Variants in RRP9 observed in about 807,000 individuals in gnomAD.
RRP9 encodes the protein U3 small nucleolar RNA-interacting protein 2.
Under a neutral mutation model 65.5 loss-of-function variants are expected in RRP9, and 35 were observed. The ratio of observed to expected loss-of-function variants is 0.53; its 90% confidence interval spans 0.41 to 0.71. RRP9 has a LOEUF of 0.71. Among genes scored for constraint, RRP9 ranks in the 30% least tolerant of loss-of-function variants. RRP9 has a pLI of 0.00. For synonymous variants in RRP9, 254 were observed against 245.0 expected (o/e 1.04, Z -0.34); for missense variants, 533 against 633.6 (o/e 0.84, Z 1.70).
chr3:51,937,585 A>C lies in RRP9; in HGVS notation c.350T>G (p.Leu117Arg), dbSNP rs1699473611. The C allele has an allele frequency of 1.9e-6, 3 of 1,614,204 alleles. No homozygotes were observed. Among genetic ancestry groups the C allele is most frequent in the Non-Finnish European group, 2.5e-6 (3 of 1,180,034 alleles). The change falls in exon 5 of 15, where the codon CTT (leucine) becomes CGT (arginine). Residue 117 changes from leucine to arginine, a missense_variant and splice_region_variant. Physicochemically the swap from Leu to Arg is moderately radical, Grantham distance 102. Around this residue, in one of 3 missense-constraint regions of RRP9, gnomAD observed 449 missense variants for 550.6 expected, o/e 0.82. Coordinates refer to ENST00000232888, the MANE Select transcript of RRP9 (RefSeq NM_004704.5). The surrounding 1 kb of genome is among the most constrained non-coding windows in gnomAD (Gnocchi z 5.0). ...CTTCTGCAGCCTGCCCCTCTGCTCA[A>C]GCTGCATGGAGAAGAGATGGATGAG... The part of the protein sequence containing the change: ...QVAGRLKEDV[L>R]EQRGRLQKLV...
intron 2 of RRP9, among the ~76,000 whole-genome samples, chr3:51,938,858 G>A (rs1332394136): frequency 3.9e-5 from 6 of 152,158 alleles, no homozygotes; most frequent in Non-Finnish European, 8.8e-5. Context: ...CCACCAGGCA[G>A]ACACACCAGG....
chr3:51,941,418 TCA>T lies in RRP9; in HGVS notation c.159_160del (p.Ser55ArgfsTer9). 1.2e-6 allele frequency: 2 copies of T among 1,614,104 alleles called. No homozygotes were observed. The highest frequency in any genetic ancestry group is 2.2e-5 in the East Asian group (1 of 44,886). On this transcript the variant is annotated frameshift_variant, in exon 2 of 15. Coordinates refer to ENST00000232888, the MANE Select transcript of RRP9 (RefSeq NM_004704.5). LOFTEE classifies it high-confidence loss of function. Reference sequence around the variant, plus strand: ...GAAAAGAATAGCTCACCTCTCGCTCTCAGAGTCGCTGGAGATCTCCTCATTCA... The same window carrying T: ...GAAAAGAATAGCTCACCTCTCGCTCTGAGTCGCTGGAGATCTCCTCATTCA...
chr3:51,937,398 C>T lies in RRP9; in HGVS notation c.391-80G>A. 3 of 1,605,674 alleles carry T rather than the reference C, an allele frequency of 1.9e-6. No individual in the cohort carries two copies. Among genetic ancestry groups the T allele is most frequent in the Admixed American group, 1.7e-5 (1 of 59,876 alleles). ...ACCAACCCCACTGCGTAGTGTTGGC[C>T]TTTCCCACCCAGGCCAGAAGGAAAA... is the stretch of plus-strand genomic sequence containing the variant. On this transcript the variant is annotated intron_variant, in intron 5 of 14. Coordinates refer to ENST00000232888, the MANE Select transcript of RRP9 (RefSeq NM_004704.5). The surrounding 1 kb of genome is among the most constrained non-coding windows in gnomAD (Gnocchi z 5.0).
intron 6 of RRP9, among the ~76,000 whole-genome samples, 159 bp from the exon 7 acceptor site, chr3:51,936,714 C>T (rs1245771956): frequency 1.3e-5 from 2 of 152,188 alleles, no homozygotes; most frequent in African/African-American, 4.8e-5. Flanking sequence ...CAAGCTGCCT[C>T]AGTTTCCTCA....
Position 51,937,508 on chromosome 3 carries a change from C to T in RRP9, c.390+37G>A, listed in dbSNP as rs1332821455. ...CATGTTCCAAGTGGGGCCCCCAATTCCCTCCAACCTTATACCAAAATACCA... is the reference window on the plus strand; with the variant it reads ...CATGTTCCAAGTGGGGCCCCCAATTTCCTCCAACCTTATACCAAAATACCA... On this transcript the variant is annotated intron_variant, in intron 5 of 14. Coordinates refer to ENST00000232888, the MANE Select transcript of RRP9 (RefSeq NM_004704.5). The surrounding 1 kb of genome is among the most constrained non-coding windows in gnomAD (Gnocchi z 5.0). The T allele has an allele frequency of 6.2e-7, 1 of 1,614,060 alleles. No individual in the cohort carries two copies. Among genetic ancestry groups the T allele is most frequent in the South Asian group, 1.1e-5 (1 of 91,080 alleles).
At chr3:51,941,373 G>A (rs1180210660) in intron 2 of RRP9, 36 bp downstream of exon 2, 47 of 1,575,588 alleles carry the variant, frequency 3.0e-5, no homozygotes, top group Non-Finnish European at 3.9e-5. Context: ...ATGGGACTCA[G>A]TTTTCCCTCC....
At position 51,934,377 on chromosome 3, in the gene RRP9, T is replaced by G; in HGVS notation, c.1260+95A>C. 7.7e-7 allele frequency: 1 copy of G among 1,306,912 alleles called. No individual in the cohort carries two copies. Among genetic ancestry groups the G allele is most frequent in the Non-Finnish European group, 1.1e-6 (1 of 945,136 alleles). 81.0% of individuals were successfully genotyped at this position (1,306,912 alleles called of 1,614,324 possible). ...GGAGCTGGCCCTGCCCTGAGAAGGT[T>G]CCCTTCTGGCAGGAAGAAAGACCTT... On this transcript the variant is annotated intron_variant, in intron 13 of 14. Coordinates refer to ENST00000232888, the MANE Select transcript of RRP9 (RefSeq NM_004704.5). This position sits in a 1 kb window ranked among gnomAD's most constrained non-coding sequence, Gnocchi z 4.1.
chr3:51,941,869 C>G lies in RRP9; in HGVS notation c.-2G>C. ...ACGAGCAGCCGCTGTTGCCGACATG[C>G]TGCCCACCAGGCGTGTAGCAGCGGC... On this transcript the variant is annotated 5_prime_UTR_variant, in exon 1 of 15. Coordinates refer to ENST00000232888, the MANE Select transcript of RRP9 (RefSeq NM_004704.5). 1.3e-6 allele frequency: 2 copies of G among 1,578,686 alleles called. No homozygotes were observed. The highest frequency in any genetic ancestry group is 1.1e-5 in the South Asian group (1 of 87,622).
chr3:51,937,289 G>A lies in RRP9; in HGVS notation c.420C>T (p.Arg140=), dbSNP rs202129562. ...EIQAPASADI[R]VLRGHQLSIT... ...TAGAGAGCTGGTGCCCCCGTAAAAC[G>A]CGAATGTCAGCTGAGGCTGGGGCCT... The change falls in exon 6 of 15, where the codon CGC becomes CGT. Residue 140 remains arginine (R), a synonymous_variant. Transcript: ENST00000232888. The surrounding 1 kb of genome is among the most constrained non-coding windows in gnomAD (Gnocchi z 5.0). The A allele has an allele frequency of 6.4e-5, 104 of 1,614,188 alleles. No homozygotes were observed. In the East Asian group the frequency reaches 1.4e-3, roughly 22 times the overall value.
At position 51,934,384 on chromosome 3, in the gene RRP9, T is replaced by C; in HGVS notation, c.1260+88A>G. ...GCCCTGCCCTGAGAAGGTTCCCTTC[T>C]GGCAGGAAGAAAGACCTTAAAGAGC... On this transcript the variant is annotated intron_variant, in intron 13 of 14. Transcript: ENST00000232888. This position sits in a 1 kb window ranked among gnomAD's most constrained non-coding sequence, Gnocchi z 4.1. 9 of 1,383,942 alleles carry C rather than the reference T, an allele frequency of 6.5e-6. No individual in the cohort carries two copies. Among genetic ancestry groups the C allele is most frequent in the Non-Finnish European group, 8.9e-6 (9 of 1,011,508 alleles). The allele number at this position is 1,383,942 out of a possible 1,614,324, so 85.7% of individuals were successfully genotyped here.
chr3:51,938,000 GTC>G lies in RRP9; in HGVS notation c.280+93_280+94del. On this transcript the variant is annotated intron_variant, in intron 3 of 14. Transcript: ENST00000232888. The surrounding 1 kb of genome is among the most constrained non-coding windows in gnomAD (Gnocchi z 5.0). ...GCCTGGGCACCCACTGGGAATCCAT[GTC>G]AGTCACCCATCAAGTGGCTGGGGCT... 8.9e-7 allele frequency: 1 copy of G among 1,122,826 alleles called. No individual in the cohort carries two copies. Among genetic ancestry groups the G allele is most frequent in the African/African-American group, 1.6e-5 (1 of 64,444 alleles). The allele number at this position is 1,122,826 out of a possible 1,614,324, so 69.6% of individuals were successfully genotyped here.
At chr3:51,938,301 C>A (rs922464863) in intron 2 of RRP9, 97 bp from the exon 3 acceptor site, 28 of 856,048 alleles carry the variant, frequency 3.3e-5, no homozygotes, top group Non-Finnish European at 5.1e-5. Flanking sequence ...TCCAACCTCC[C>A]CTATTCCCTG....
At position 51,935,395 on chromosome 3, in the gene RRP9, A is replaced by G. The variant is rs759862714; in HGVS notation, c.918T>C (p.Thr306=). Residue 306 remains threonine (T), a synonymous_variant, in exon 10 of 15, where the codon ACT becomes ACC. Transcript: ENST00000232888. ...CCTCGGGGATCTTCCACACACGTACAGTCCCATCCCGGCCCCCAGCCGTCA... is the reference window on the plus strand; with the variant it reads ...CCTCGGGGATCTTCCACACACGTACGGTCCCATCCCGGCCCCCAGCCGTCA... ...CCVTAGGRDG[T]VRVWKIPEES... 6.2e-7 allele frequency: 1 copy of G among 1,614,168 alleles called. No individual in the cohort carries two copies. The highest frequency in any genetic ancestry group is 2.2e-5 in the East Asian group (1 of 44,880).
At position 51,936,486 on chromosome 3, in the gene RRP9, G is replaced by A. The variant is rs1297582768; in HGVS notation, c.587C>T (p.Pro196Leu). 2 of 1,614,212 alleles carry A rather than the reference G, an allele frequency of 1.2e-6. No individual in the cohort carries two copies. The highest frequency in any genetic ancestry group is 3.3e-5 in the Admixed American group (2 of 60,034). Residue 196 changes from proline to leucine, a missense_variant, in exon 7 of 15, where the codon CCT becomes CTT. Around this residue, in one of 3 missense-constraint regions of RRP9, gnomAD observed 449 missense variants for 550.6 expected, o/e 0.82. Transcript: ENST00000232888. The part of the protein sequence containing the change: ...RAKKGAEGKP[P>L]GHSSHVLCMA... The stretch of plus-strand genomic sequence containing the variant: ...GCAGAGGACGTGGCTGCTGTGGCCA[G>A]GGGGCTTTCCCTCGGCACCCTTCTT...
In RRP9 at chr3:51,937,795, C is replaced by T. The variant is rs900806504; in HGVS notation, c.281-59G>A. ...GCTGAGACCCCTCTTTCCCTTCCAT[C>T]CTGTCCCCATCCCACTGCCCCAGGG... On this transcript the variant is annotated intron_variant, in intron 3 of 14. Transcript: ENST00000232888. The surrounding 1 kb of genome is among the most constrained non-coding windows in gnomAD (Gnocchi z 5.0). 20 of 1,592,286 alleles carry T rather than the reference C, an allele frequency of 1.3e-5. No individual in the cohort carries two copies. The African/African-American group carries it at 1.5e-4, about 12-fold the overall frequency.
At position 51,941,848 on chromosome 3, in the gene RRP9, G is replaced by C. The variant is rs1229637817; in HGVS notation, c.20C>G (p.Ala7Gly). 6.3e-7 allele frequency: 1 copy of C among 1,582,846 alleles called. No homozygotes were observed. The highest frequency in any genetic ancestry group is 1.1e-5 in the South Asian group (1 of 88,226). ...AGAGGCCGGCTTTCCCCGCTTACGA[G>C]CAGCCGCTGTTGCCGACATGCTGCC... MSATAA[A>G]RKRGKPASGA... The change falls in exon 1 of 15, where the codon GCT becomes GGT. Residue 7 changes from alanine (A) to glycine (G), a missense_variant. Coordinates refer to ENST00000232888, the MANE Select transcript of RRP9 (RefSeq NM_004704.5).
At chr3:51,941,388 A>G (rs1381687820) in intron 2 of RRP9, 21 bp downstream of exon 2, 1 of 1,603,704 alleles carries the variant, frequency 6.2e-7, no homozygotes, top group East Asian at 2.2e-5. Flanking sequence ...CCCTCCCACT[A>G]TGTGGAAAAG....
Position 51,935,588 on chromosome 3 carries a change from TCA to T in RRP9, c.836+2_836+3del, listed in dbSNP as rs753192374. On this transcript the variant is annotated splice_donor_variant and splice_donor_region_variant and intron_variant, in intron 9 of 14. Coordinates refer to ENST00000232888, the MANE Select transcript of RRP9 (RefSeq NM_004704.5). LOFTEE classifies it high-confidence loss of function. The stretch of plus-strand genomic sequence containing the variant: ...TCCACACACCCTCTCCCATCCACAC[TCA>T]CAGCGTCTCCACGTAGGAGTTCTCT... 13 of 1,613,946 alleles carry T rather than the reference TCA, an allele frequency of 8.1e-6. No homozygotes were observed. The highest frequency in any genetic ancestry group is 1.3e-5 in the African/African-American group (1 of 74,908).
rs1285235057 is a variant in RRP9 at position 51,933,924 on chromosome 3, T to C, written c.1261-143A>G. 4.0e-6 allele frequency: 3 copies of C among 759,348 alleles called. No homozygotes were observed. The Admixed American group carries it at 6.5e-5, about 16-fold the overall frequency. The allele number at this position is 759,348 out of a possible 1,614,324, so 47.0% of individuals were successfully genotyped here. A position where few individuals can be genotyped will look rare whatever the true frequency, so the allele number is the denominator to read the frequency against. On this transcript the variant is annotated intron_variant, in intron 13 of 14. Transcript: ENST00000232888. Reference sequence around the variant, plus strand: ...GCCACCTGGTGACACAGGCCAGCCCTTCACTTGTCAGGGCCTCAGCCTCCA... The same window carrying C: ...GCCACCTGGTGACACAGGCCAGCCCCTCACTTGTCAGGGCCTCAGCCTCCA...
Sources: gnomAD v4.1 joint callset for allele counts (sites outside exome capture counted in the v4.1 genomes callset) on GRCh38, gnomAD v4.1.1 for gene constraint, gnomAD v4.1.1 regional missense constraint, Gnocchi (gnomAD v3.1) non-coding constraint, MANE v1.5 for transcripts, NCBI Gene and HGNC (gene_info 2026-07-23, HGNC 2026-07-21) for gene names.